Variants in FSTL4 observed in about 807,000 individuals in gnomAD.
The protein encoded by FSTL4 is follistatin-related protein 4.
Under a neutral mutation model 78.2 loss-of-function variants are expected in FSTL4, and 28 were observed. The ratio of observed to expected loss-of-function variants is 0.36; its 90% CI spans 0.27 to 0.49. FSTL4 has a LOEUF of 0.49. FSTL4 is among the 20% of genes least tolerant of loss of function. FSTL4 has a pLI of 0.98. For synonymous variants in FSTL4, 422 were observed against 440.5 expected (o/e 0.96, Z 0.53); for missense variants, 922 against 1,084.9 (o/e 0.85, Z 2.11).
intron 4 of FSTL4, among the ~76,000 whole-genome samples, chr5:133,391,614 C>A (rs1442374704): frequency 2.6e-5 from 4 of 152,336 alleles, no homozygotes; most frequent in East Asian, 3.9e-4. Context: ...AGCCCTCCGA[C>A]TTGCTCAGTT....
At chr5:133,547,238 G>GTC (rs34643477) in intron 3 of FSTL4, among the ~76,000 whole-genome samples, 61,145 of 151,074 alleles carry the variant, frequency 0.4, 12,557 homozygotes, top group African/African-American at 0.48. Context: ...CTGTCTGTCT[G>GTC]TCTCTCTCTC....
At chr5:133,296,369 G>T (rs1459627998) in intron 6 of FSTL4, among the ~76,000 whole-genome samples, 1 of 152,182 alleles carries the variant, frequency 6.6e-6, no homozygotes, top group Non-Finnish European at 1.5e-5. Flanking sequence ...CAAAACAGCA[G>T]CCAAAGTGCT....
chr5:133,655,482 C>A, the FSTL4 span, among the ~76,000 whole-genome samples: 1 of 152,190 alleles, frequency 6.6e-6, no homozygotes, highest in Non-Finnish European at 1.5e-5. Flanking sequence ...AGAGGAGAAT[C>A]TTTAAGAAGC....
At chr5:133,203,249 C>T (rs981093730) in intron 14 of FSTL4, among the ~76,000 whole-genome samples, 1 of 152,148 alleles carries the variant, frequency 6.6e-6, no homozygotes, top group African/African-American at 2.4e-5. Flanking sequence ...GATATTGTGG[C>T]CACATGTGTA....
chr5:133,349,295 CTGTGTGTGTG>C lies in FSTL4; in HGVS notation c.410-32653_410-32644del, dbSNP rs1554107119. Reference sequence around the variant, plus strand: ...GCTCCCCTGTTGAAAGCCTCTCTCTCTGTGTGTGTGTGTGTGTGTGTGTGTGTGTGTGTGT... The same window carrying C: ...GCTCCCCTGTTGAAAGCCTCTCTCTCTGTGTGTGTGTGTGTGTGTGTGTGT... On this transcript the variant is annotated intron_variant, in intron 4 of 15. Transcript: ENST00000265342. Among the ~76,000 whole-genome samples the C allele has an allele frequency of 4.7e-3, 663 of 139,772 alleles. 7 individuals are homozygous for C. The highest frequency in any genetic ancestry group is 0.016 in the African/African-American group (599 of 37,322). The allele number at this position is 139,772 out of a possible 152,430, so 91.7% of individuals were successfully genotyped here.
chr5:133,213,141 T>C (rs1475443169), intron 13 of FSTL4, among the ~76,000 whole-genome samples: 1 of 151,968 alleles, frequency 6.6e-6, no homozygotes, highest in African/African-American at 2.4e-5. Flanking sequence ...TAGCTGGGAT[T>C]ATAGGCCTGC....
At chr5:133,416,216 C>T (rs1756578651) in intron 3 of FSTL4, among the ~76,000 whole-genome samples, 1 of 152,204 alleles carries the variant, frequency 6.6e-6, no homozygotes, top group South Asian at 2.1e-4. Flanking sequence ...TCTGAAGAAG[C>T]TCCTACTGGC....
chr5:133,327,578 C>T (rs1046498071), intron 4 of FSTL4, among the ~76,000 whole-genome samples: 13 of 152,174 alleles, frequency 8.5e-5, no homozygotes, highest in Non-Finnish European at 1.2e-4. Context: ...GACCCAGAGA[C>T]AGAGCCGAGC....
At chr5:133,301,410 G>A (rs1276516802) in intron 6 of FSTL4, among the ~76,000 whole-genome samples, 1 of 152,142 alleles carries the variant, frequency 6.6e-6, no homozygotes, top group Non-Finnish European at 1.5e-5. Context: ...AGCCTGCAGT[G>A]TTTGCTGGGA....
the FSTL4 span, among the ~76,000 whole-genome samples, chr5:133,764,451 C>G: frequency 6.6e-6 from 1 of 152,200 alleles, no homozygotes. Flanking sequence ...CAAAGGTCCC[C>G]TTCATGAGGC....
chr5:133,283,111 A>C (rs1290340512), intron 6 of FSTL4, among the ~76,000 whole-genome samples: 1 of 152,190 alleles, frequency 6.6e-6, no homozygotes, highest in Non-Finnish European at 1.5e-5. Flanking sequence ...CCTGCTGCTC[A>C]CCTCTGAGAG....
intron 4 of FSTL4, among the ~76,000 whole-genome samples, chr5:133,395,567 A>G (rs1016924898): frequency 1.3e-5 from 2 of 152,222 alleles, no homozygotes; most frequent in African/African-American, 2.4e-5. Flanking sequence ...AACACTGGTC[A>G]GCTTGAGTTC....
intron 4 of FSTL4, among the ~76,000 whole-genome samples, chr5:133,341,409 G>A (rs1460568291): frequency 6.6e-6 from 1 of 152,064 alleles, no homozygotes; most frequent in Non-Finnish European, 1.5e-5. Flanking sequence ...TGGGCTCAGC[G>A]GCTGGCTCTC....
the FSTL4 span, among the ~76,000 whole-genome samples, chr5:133,739,086 G>A: frequency 2.6e-5 from 4 of 152,032 alleles, no homozygotes; most frequent in African/African-American, 7.3e-5. Context: ...CAGGCAACAG[G>A]ATGGCTACAC....
chr5:133,831,802 G>A, the FSTL4 span, among the ~76,000 whole-genome samples: 11 of 152,330 alleles, frequency 7.2e-5, no homozygotes, highest in South Asian at 8.3e-4. Context: ...AGGGGACAGG[G>A]AGGAAACATC....
At chr5:133,452,704 C>T (rs1757409073) in intron 3 of FSTL4, among the ~76,000 whole-genome samples, 1 of 152,222 alleles carries the variant, frequency 6.6e-6, no homozygotes, top group African/African-American at 2.4e-5. Flanking sequence ...GTAGTAGAGC[C>T]AGGATTTGAA....
At chr5:133,719,430 G>A in the FSTL4 span, among the ~76,000 whole-genome samples, 1 of 152,100 alleles carries the variant, frequency 6.6e-6, no homozygotes, top group African/African-American at 2.4e-5. Context: ...AGCACTTTGG[G>A]AGGCCAAGGC....
Position 133,400,694 on chromosome 5 carries a change from C to G in FSTL4, c.409+44G>C, listed in dbSNP as rs1756199984. 3 of 1,580,410 alleles carry G rather than the reference C, an allele frequency of 1.9e-6. No individual in the cohort carries two copies. The African/African-American group carries it at 4.0e-5, about 21-fold the overall frequency. ...ACTTGTCAAAAAGGCATTGGAAGACCCATCACAAAACCCAAAACCACAGGG... is the reference window on the plus strand; with the variant it reads ...ACTTGTCAAAAAGGCATTGGAAGACGCATCACAAAACCCAAAACCACAGGG... On this transcript the variant is annotated intron_variant, in intron 4 of 15. Transcript: ENST00000265342.
the FSTL4 span, among the ~76,000 whole-genome samples, chr5:133,769,186 A>T: frequency 1.4e-4 from 21 of 152,364 alleles, no homozygotes; most frequent in African/African-American, 5.1e-4. Context: ...TCTGGATTCC[A>T]GAGATCAATC....
Sources: gnomAD v4.1 joint callset for allele counts (sites outside exome capture counted in the v4.1 genomes callset) on GRCh38, gnomAD v4.1.1 for gene constraint, MANE v1.5 for transcripts, NCBI Gene and HGNC (gene_info 2026-07-23, HGNC 2026-07-21) for gene names.